PRDM4: variants seen among roughly 807,000 people sequenced by gnomAD.
PRDM4 encodes PR domain zinc finger protein 4.
A neutral mutation model predicts 62.3 loss-of-function variants in PRDM4; 38 were observed. That is an observed-to-expected ratio of 0.61 (90% CI 0.47 to 0.80). PRDM4 has a LOEUF of 0.80. Among genes scored for constraint, PRDM4 ranks in the 30% least tolerant of loss-of-function variants. The pLI is 0.00. For missense variants in PRDM4, 858 were observed against 997.1 expected, an observed-to-expected ratio of 0.86 and a Z score of 1.88; for synonymous variants, 339 against 348.2, an observed-to-expected ratio of 0.97 and a Z score of 0.30.
Position 107,733,500 on chromosome 12 carries a change from G to A in PRDM4, c.*710C>T, listed in dbSNP as rs1213898335. On this transcript the variant is annotated 3_prime_UTR_variant, in exon 12 of 12. Transcript: ENST00000228437. ...AAGATCTCCACGTTACAATAACCAG[G>A]TGACTTGCTCAGGCTTCCATCAAAG... is the stretch of plus-strand genomic sequence containing the variant. 1 of 152,254 alleles carries A rather than the reference G, an allele frequency of 6.6e-6. No homozygotes were observed. Among genetic ancestry groups the A allele is most frequent in the Admixed American group, 6.5e-5 (1 of 15,276 alleles). 9.4% of individuals were successfully genotyped at this position (152,254 alleles called of 1,614,324 possible). A position where few individuals can be genotyped will look rare whatever the true frequency, so the allele number is the denominator to read the frequency against.
At chr12:107,750,164 C>A (rs2136324995) in intron 5 of PRDM4, among the ~76,000 whole-genome samples, 1 of 152,306 alleles carries the variant, frequency 6.6e-6, no homozygotes, top group Admixed American at 6.5e-5. Flanking sequence ...TGCTTCCTAC[C>A]AGACTGTAAG....
At chr12:107,739,325 G>A in intron 11 of PRDM4, 58 bp downstream of exon 11, 3 of 1,566,006 alleles carry the variant, frequency 1.9e-6, no homozygotes, top group Admixed American at 3.5e-5. Context: ...CAGGTGGGCT[G>A]CAGCCACACA....
At chr12:107,754,293 C>A (rs569619809) in intron 3 of PRDM4, among the ~76,000 whole-genome samples, 184 bp from the exon 4 acceptor site, 2 of 152,166 alleles carry the variant, frequency 1.3e-5, no homozygotes, top group Non-Finnish European at 2.9e-5. Context: ...TAGTCTTAGT[C>A]CCAAAGATAG....
chr12:107,751,245 T>C lies in PRDM4; in HGVS notation c.1126+170A>G, dbSNP rs1468881. Among the ~76,000 whole-genome samples, 44,708 of 152,192 alleles carry C rather than the reference T, an allele frequency of 0.29. 8,242 individuals are homozygous for C. The highest frequency in any genetic ancestry group is 0.43 in the Middle Eastern group (126 of 294). On this transcript the variant is annotated intron_variant, in intron 5 of 11. Coordinates refer to ENST00000228437, the MANE Select transcript of PRDM4 (RefSeq NM_012406.4). Reference sequence around the variant, plus strand: ...AATGTATGTATATCATTTGGCTTACTTGAAGAAAAGGCACCACATTAATAT... The same window carrying C: ...AATGTATGTATATCATTTGGCTTACCTGAAGAAAAGGCACCACATTAATAT...
At chr12:107,755,279 G>A (rs1194609093) in intron 3 of PRDM4, among the ~76,000 whole-genome samples, 1 of 149,446 alleles carries the variant, frequency 6.7e-6, no homozygotes, top group Non-Finnish European at 1.5e-5. Context: ...TTTTTTCTTT[G>A]TAGAGATGGG....
intron 3 of PRDM4, among the ~76,000 whole-genome samples, chr12:107,755,080 CA>C (rs1441224149): frequency 1.3e-5 from 2 of 151,928 alleles, no homozygotes; most frequent in African/African-American, 4.8e-5. Flanking sequence ...ATATTTTTGC[CA>C]GGGGCAATAT....
intron 5 of PRDM4, among the ~76,000 whole-genome samples, chr12:107,748,377 C>T (rs1280325620): frequency 2.6e-5 from 4 of 152,078 alleles, no homozygotes; most frequent in African/African-American, 9.7e-5. Flanking sequence ...AAAACTTGTA[C>T]ATGAGAGTTC....
At chr12:107,744,726 G>A (rs1337539123) in intron 6 of PRDM4, 65 bp from the exon 7 acceptor site, 11 of 1,583,310 alleles carry the variant, frequency 6.9e-6, no homozygotes, top group East Asian at 2.3e-5. Context: ...GAAGAAAGAG[G>A]TGCTTCACCC....
Position 107,751,723 on chromosome 12 carries a change from A to G in PRDM4, c.818T>C (p.Ile273Thr), listed in dbSNP as rs143403382. ...AGACATGCCATTGACCCGACTTGCA[A>G]TGTGGTCTGTCTCCATGACCACAGG... ...ELPVVMETDH[I>T]ASRVNGMSDS... is the part of the protein sequence containing the mutation. The change falls in exon 5 of 12, where the codon ATT (isoleucine) becomes ACT (threonine). Residue 273 changes from isoleucine to threonine, a missense_variant. This residue lies in a region of PRDM4 where 499 missense variants were observed against 546.7 expected (regional missense o/e 0.91). Transcript: ENST00000228437. 7 of 1,614,182 alleles carry G rather than the reference A, an allele frequency of 4.3e-6. No homozygotes were observed. The African/African-American group carries it at 6.7e-5, about 15-fold the overall frequency.
At chr12:107,750,617 A>AT (rs142479365) in intron 5 of PRDM4, among the ~76,000 whole-genome samples, 1,762 of 152,226 alleles carry the variant, frequency 0.012, 38 homozygotes, top group African/African-American at 0.04. Flanking sequence ...CTGTTTTTAT[A>AT]TTGTTTTTTG....
Position 107,760,775 on chromosome 12 carries a change from G to A in PRDM4, c.-256-4C>T, listed in dbSNP as rs1891219805. 2.0e-6 allele frequency: 1 copy of A among 501,524 alleles called. No homozygotes were observed. The highest frequency in any genetic ancestry group is 2.0e-5 in the African/African-American group (1 of 50,156). 31.1% of individuals were successfully genotyped at this position (501,524 alleles called of 1,614,324 possible). ...TTCGGGAAGGGGGCTGCCCAACCTGGGGGAGTGGGGACAAGAGCGGTCACC... is the reference window on the plus strand; with the variant it reads ...TTCGGGAAGGGGGCTGCCCAACCTGAGGGAGTGGGGACAAGAGCGGTCACC... On this transcript the variant is annotated splice_region_variant and splice_polypyrimidine_tract_variant and intron_variant, in intron 1 of 11. Coordinates refer to ENST00000228437, the MANE Select transcript of PRDM4 (RefSeq NM_012406.4).
At chr12:107,744,390 T>A (rs1271370774) in intron 7 of PRDM4, among the ~76,000 whole-genome samples, 153 bp downstream of exon 7, 5 of 152,222 alleles carry the variant, frequency 3.3e-5, no homozygotes, top group Non-Finnish European at 7.3e-5. Context: ...GAATGATGAA[T>A]GTAACATTTA....
intron 7 of PRDM4, among the ~76,000 whole-genome samples, 183 bp from the exon 8 acceptor site, chr12:107,743,465 T>C (rs973905181): frequency 6.6e-6 from 1 of 152,232 alleles, no homozygotes; most frequent in Non-Finnish European, 1.5e-5. Flanking sequence ...TTTCCAGCAA[T>C]ACATAAAGAC....
intron 2 of PRDM4, among the ~76,000 whole-genome samples, chr12:107,757,703 T>C (rs1891105328): frequency 2.0e-5 from 3 of 151,878 alleles, no homozygotes; most frequent in African/African-American, 7.3e-5. Context: ...TGCCAAAAAG[T>C]TTTTCATTGC....
chr12:107,735,858 G>C lies in PRDM4; in HGVS notation c.2094-1336C>G, dbSNP rs150648286. ...ATTAATAAAATCCTGGAAGGAGTGA[G>C]AGGGTGCAGTCGGGCGTTCTGAAGC... On this transcript the variant is annotated intron_variant, in intron 11 of 11. Transcript: ENST00000228437. Among the ~76,000 whole-genome samples the C allele has an allele frequency of 3.4e-3, 523 of 151,662 alleles. 2 individuals are homozygous for C. Among genetic ancestry groups the C allele is most frequent in the Non-Finnish European group, 5.5e-3 (374 of 67,972 alleles).
chr12:107,740,831 GT>G, intron 10 of PRDM4, 114 bp downstream of exon 10: 2 of 1,109,472 alleles, frequency 1.8e-6, no homozygotes, highest in Non-Finnish European at 2.5e-6. Flanking sequence ...AACCACGAAG[GT>G]TTCTTTCTCT....
rs1362057523 is a variant in PRDM4, at chr12:107,751,502, A to C, written c.1039T>G (p.Ser347Ala). Residue 347 changes from serine to alanine, a missense_variant, in exon 5 of 12, where the codon TCA (serine) becomes GCA (alanine). By Grantham distance (99) the Ser-to-Ala change is moderately conservative (BLOSUM62 1). This residue lies in a region of PRDM4 where 499 missense variants were observed against 546.7 expected (regional missense o/e 0.91). Coordinates refer to ENST00000228437, the MANE Select transcript of PRDM4 (RefSeq NM_012406.4). ...GGTGATACAAAAGAAAGACTGTCTG[A>C]AGATACATCTACATGACCTGTCCCC... ...AMGTGHVDVS[S>A]DSLSFVSPSL... 6.2e-7 allele frequency: 1 copy of C among 1,613,800 alleles called. No homozygotes were observed. Among genetic ancestry groups the C allele is most frequent in the Non-Finnish European group, 8.5e-7 (1 of 1,179,636 alleles).
At chr12:107,754,932 G>A (rs1891015414) in intron 3 of PRDM4, 1 of 152,106 alleles carries the variant, frequency 6.6e-6, no homozygotes, top group South Asian at 2.1e-4. Context: ...TTGTATATAT[G>A]CTACACTTAG....
Position 107,739,499 on chromosome 12 carries a change from A to G in PRDM4, c.1977T>C (p.Ala659=). Residue 659 remains alanine (A), a synonymous_variant, in exon 11 of 12, where the codon GCT becomes GCC. Coordinates refer to ENST00000228437, the MANE Select transcript of PRDM4 (RefSeq NM_012406.4). ...GGATAACCATGTGGGACTCCAGGTG[A>G]GCCTTCTGGGTGAAAGACTTGTCAC... ...TLCDKSFTQK[A]HLESHMVIHT... The G allele has an allele frequency of 6.2e-7, 1 of 1,614,016 alleles. No homozygotes were observed. The highest frequency in any genetic ancestry group is 8.5e-7 in the Non-Finnish European group (1 of 1,179,888).
Sources: allele counts gnomAD v4.1 joint callset (sites outside exome capture counted in the v4.1 genomes callset), GRCh38; gene constraint gnomAD v4.1.1; regional missense constraint gnomAD v4.1.1; transcripts MANE v1.5; gene names NCBI Gene and HGNC (gene_info 2026-07-23, HGNC 2026-07-21).